The following COL26A1 variants were observed in gnomAD, a reference collection of about 807,000 sequenced individuals.
COL26A1 encodes the protein collagen type XXVI alpha 1 chain, also known as collagen alpha-1(XXVI) chain.
A neutral mutation model predicts 59.3 loss-of-function variants in COL26A1; 41 were observed. The ratio of observed to expected loss-of-function variants is 0.69; its 90% CI spans 0.54 to 0.90. COL26A1 has a LOEUF of 0.90. Ranked by LOEUF, COL26A1 falls within the 40% of genes least tolerant of loss-of-function variation. The pLI is 0.00. For missense variants in COL26A1, 612 were observed against 602.3 expected (o/e 1.02, Z -0.17); for synonymous variants, 266 against 256.0 (o/e 1.04, Z -0.37).
chr7:101,549,126 GC>G, intron 8 of COL26A1, 44 bp from the exon 9 acceptor site: 6 of 1,131,804 alleles, frequency 5.3e-6, no homozygotes, highest in Non-Finnish European at 7.6e-6. Flanking sequence ...GGCTGGGGGC[GC>G]CCCCTCTCTG....
At chr7:101,424,453 C>A (rs958246939) in intron 2 of COL26A1, among the ~76,000 whole-genome samples, 1 of 151,946 alleles carries the variant, frequency 6.6e-6, no homozygotes, top group African/African-American at 2.4e-5. Context: ...CAAAAATTAG[C>A]CAGGTGTGAT....
At chr7:101,470,107 T>C (rs1396860129) in intron 3 of COL26A1, among the ~76,000 whole-genome samples, 1 of 145,054 alleles carries the variant, frequency 6.9e-6, no homozygotes, top group Admixed American at 7.2e-5. Context: ...TTTTTTTTTG[T>C]TTTTTTTTTT....
chr7:101,511,478 C>T (rs538433482), intron 3 of COL26A1, among the ~76,000 whole-genome samples: 1 of 152,184 alleles, frequency 6.6e-6, no homozygotes, highest in Admixed American at 6.5e-5. Flanking sequence ...TTGTGGGTTC[C>T]GTTAAGCTAT....
intron 1 of COL26A1, among the ~76,000 whole-genome samples, chr7:101,398,424 A>T (rs1791909386): frequency 6.6e-6 from 1 of 151,660 alleles, no homozygotes; most frequent in Non-Finnish European, 1.5e-5. Flanking sequence ...AGAAATACGA[A>T]CTCCTGAGCT....
At chr7:101,477,315 T>C (rs1043966922) in intron 3 of COL26A1, among the ~76,000 whole-genome samples, 3 of 152,230 alleles carry the variant, frequency 2.0e-5, no homozygotes, top group African/African-American at 4.8e-5. Context: ...GTGTGAATGA[T>C]ACATGGTCAT....
At position 101,547,201 on chromosome 7, in the gene COL26A1, C is replaced by T; in HGVS notation, c.902C>T (p.Ala301Val). ...LASAIVDTVL[A>V]GVPGPRGPPG... ...TCTGCCATCGTGGACACAGTGCTGG[C>T]AGGTGTCCCAGGACCCCGGGGTCCC... Residue 301 changes from alanine to valine, a missense_variant, in exon 8 of 13, where the codon GCA becomes GTA. Physicochemically the swap from Ala to Val is moderately conservative, Grantham distance 64. Coordinates refer to ENST00000313669, the MANE Select transcript of COL26A1 (RefSeq NM_001278563.3). The T allele has an allele frequency of 1.3e-6, 2 of 1,595,778 alleles. No individual in the cohort carries two copies. The highest frequency in any genetic ancestry group is 1.7e-6 in the Non-Finnish European group (2 of 1,172,876).
At chr7:101,532,944 G>A (rs1795400101) in intron 3 of COL26A1, 138 bp from the exon 4 acceptor site, 1 of 670,230 alleles carries the variant, frequency 1.5e-6, no homozygotes, top group Admixed American at 2.2e-5. Flanking sequence ...GGCTTTGAAG[G>A]ATGAATAGGA....
In COL26A1 at chr7:101,454,992, A is replaced by G. The variant is rs183701958; in HGVS notation, c.385+7205A>G. The stretch of plus-strand genomic sequence containing the variant: ...TTCTGTGAGCCAGCATCAATTGTAT[A>G]TATGGATCTATGTCTAACTAAATAT... On this transcript the variant is annotated intron_variant, in intron 3 of 12. Coordinates refer to ENST00000313669, the MANE Select transcript of COL26A1 (RefSeq NM_001278563.3). Among the ~76,000 whole-genome samples, 79 of 151,540 alleles carry G rather than the reference A, an allele frequency of 5.2e-4. 1 individual carries two copies. Among genetic ancestry groups the G allele is most frequent in the South Asian group, 1.2e-3 (6 of 4,810 alleles).
intron 3 of COL26A1, among the ~76,000 whole-genome samples, chr7:101,475,908 C>CTCTCTCTCTCTTTCTT (rs796136052): frequency 4.7e-5 from 7 of 148,092 alleles, no homozygotes; most frequent in Non-Finnish European, 1.5e-5. Context: ...CTCTCTTTCT[C>CTCTCTCTCTCTTTCTT]TCTCTCTCTC....
intron 3 of COL26A1, among the ~76,000 whole-genome samples, chr7:101,517,798 ATTTTTTTTTTTTTTTT>A (rs869245512): frequency 1.3e-4 from 10 of 76,912 alleles, no homozygotes; most frequent in South Asian, 5.7e-4. Flanking sequence ...TTCTCCCCGC[ATTTTTTTTTTTTTTTT>A]TTTTTTTTTT....
chr7:101,469,495 CT>C (rs36116265), intron 3 of COL26A1, among the ~76,000 whole-genome samples: 57,900 of 144,962 alleles, frequency 0.4, 11,192 homozygotes, highest in South Asian at 0.45. Flanking sequence ...CGATTTCTCT[CT>C]TTTTTTTTTT....
At chr7:101,368,880 G>A (rs1033780986) in intron 1 of COL26A1, among the ~76,000 whole-genome samples, 2 of 139,874 alleles carry the variant, frequency 1.4e-5, no homozygotes, top group Non-Finnish European at 3.0e-5. Context: ...TTTACTATTT[G>A]TAGGTAGAAA....
At chr7:101,396,786 C>T (rs1791864990) in intron 1 of COL26A1, among the ~76,000 whole-genome samples, 1 of 152,102 alleles carries the variant, frequency 6.6e-6, no homozygotes, top group South Asian at 2.1e-4. Context: ...GACTGTGGCA[C>T]CCTAGAGGAG....
rs115985400 is a variant in COL26A1, at chr7:101,477,622, A to C, written c.385+29835A>C. 4.8e-3 allele frequency among the ~76,000 whole-genome samples: 733 copies of C among 152,278 alleles called. 2 individuals carry two copies. The highest frequency in any genetic ancestry group is 0.017 in the African/African-American group (710 of 41,554). Reference sequence around the variant, plus strand: ...TTTTCAGTATAGTTCTCAGACCCTCAATCATACCTGGTATTCTTCAGTCAT... The same window carrying C: ...TTTTCAGTATAGTTCTCAGACCCTCCATCATACCTGGTATTCTTCAGTCAT... On this transcript the variant is annotated intron_variant, in intron 3 of 12. Coordinates refer to ENST00000313669, the MANE Select transcript of COL26A1 (RefSeq NM_001278563.3).
At chr7:101,447,573 G>A (rs1164331457) in intron 2 of COL26A1, 111 bp from the exon 3 acceptor site, 1 of 698,686 alleles carries the variant, frequency 1.4e-6, no homozygotes, top group Non-Finnish European at 2.5e-6. Context: ...ACGCCATGGG[G>A]GCCTCCCGGA....
At chr7:101,442,396 G>A (rs1039063955) in intron 2 of COL26A1, among the ~76,000 whole-genome samples, 5 of 150,340 alleles carry the variant, frequency 3.3e-5, no homozygotes, top group African/African-American at 1.2e-4. Context: ...GCACGATCTC[G>A]GCTCACTGCA....
intron 3 of COL26A1, among the ~76,000 whole-genome samples, chr7:101,514,724 G>T (rs1224188021): frequency 6.6e-6 from 1 of 152,244 alleles, no homozygotes; most frequent in Non-Finnish European, 1.5e-5. Context: ...CTGGCGGGCA[G>T]GAGAGAAGGA....
intron 3 of COL26A1, among the ~76,000 whole-genome samples, chr7:101,483,338 C>T (rs1033024724): frequency 1.3e-5 from 2 of 151,520 alleles, no homozygotes; most frequent in African/African-American, 4.9e-5. Context: ...GCTGGGATTA[C>T]AGGCACATGC....
chr7:101,399,675 T>G (rs528166032), intron 1 of COL26A1, among the ~76,000 whole-genome samples: 2 of 152,170 alleles, frequency 1.3e-5, no homozygotes, highest in East Asian at 3.9e-4. Context: ...CCCAGGCTGG[T>G]CTCAAACTCC....
Sources: allele counts gnomAD v4.1 joint callset (sites outside exome capture counted in the v4.1 genomes callset), GRCh38; gene constraint gnomAD v4.1.1; transcripts MANE v1.5; gene names NCBI Gene and HGNC (gene_info 2026-07-23, HGNC 2026-07-21).